Variants in ZNF398 observed in about 807,000 individuals in gnomAD.
ZNF398 encodes zinc finger protein 398.
A neutral mutation model predicts 41.9 loss-of-function variants in ZNF398; 18 were observed. That is an observed-to-expected ratio of 0.43 (90% CI 0.30 to 0.64). The LOEUF is 0.64. ZNF398 is among the 30% of genes least tolerant of loss of function. The pLI is 0.14. For synonymous variants in ZNF398, 260 were observed against 308.8 expected (o/e 0.84, Z 1.66); for missense variants, 669 against 822.8 (o/e 0.81, Z 2.29).
chr7:149,155,279 G>A (rs926903796), intron 2 of ZNF398, among the ~76,000 whole-genome samples: 4 of 152,100 alleles, frequency 2.6e-5, no homozygotes, highest in Non-Finnish European at 5.9e-5. Context: ...AATTAGCTGG[G>A]CTTGGTGGTG....
At chr7:149,144,407 C>A (rs1443254636), upstream of ZNF398, among the ~76,000 whole-genome samples, 1 of 151,794 alleles carries the variant, frequency 6.6e-6, no homozygotes, top group African/African-American at 2.4e-5. Context: ...ACCTCCCTGG[C>A]TCAAGTGATC....
intron 2 of ZNF398, among the ~76,000 whole-genome samples, chr7:149,155,433 A>G (rs968202579): frequency 2.6e-5 from 4 of 152,014 alleles, no homozygotes; most frequent in Non-Finnish European, 5.9e-5. Context: ...CAACGACAAA[A>G]AAGAAGAATC....
rs11400806 is a variant in ZNF398 at position 149,156,861 on chromosome 7, C to CAAAA, written c.420+2532_420+2535dup. ...GGGCAACAAGAGCGAAACTCCATTT[C>CAAAA]AAAAAAAAAAAAAAGAATAATTATA... On this transcript the variant is annotated intron_variant, in intron 2 of 5. Transcript: ENST00000475153. Among the ~76,000 whole-genome samples the CAAAA allele has an allele frequency of 1.8e-4, 25 of 141,224 alleles. 1 individual carries two copies. The highest frequency in any genetic ancestry group is 6.7e-4 in the South Asian group (3 of 4,468). The allele number at this position is 141,224 out of a possible 152,430, so 92.6% of individuals were successfully genotyped here. A position where few individuals can be genotyped will look rare whatever the true frequency, so the allele number is the denominator to read the frequency against.
intron 1 of ZNF398, among the ~76,000 whole-genome samples, chr7:149,153,157 A>C (rs949902551): frequency 3.9e-5 from 6 of 152,040 alleles, no homozygotes; most frequent in African/African-American, 1.4e-4. Context: ...CCGCACCGGC[A>C]AGAATTTCTT....
intron 2 of ZNF398, among the ~76,000 whole-genome samples, chr7:149,133,333 G>C (rs114513485): frequency 7.6e-4 from 115 of 151,866 alleles, no homozygotes; most frequent in African/African-American, 2.5e-3. Flanking sequence ...AGGCTGGTCT[G>C]GAACTCCAGG....
intron 2 of ZNF398, among the ~76,000 whole-genome samples, chr7:149,160,210 G>A (rs954113811): frequency 8.5e-5 from 13 of 152,084 alleles, no homozygotes; most frequent in South Asian, 4.1e-4. Flanking sequence ...AGGCCAAGGC[G>A]GGCGGATCAC....
chr7:149,163,641 AT>A (rs375846411), intron 2 of ZNF398, among the ~76,000 whole-genome samples: 12 of 152,062 alleles, frequency 7.9e-5, no homozygotes, highest in African/African-American at 2.9e-4. Flanking sequence ...AGCCCAGCTA[AT>A]TTTTGTGTTT....
intron 2 of ZNF398, among the ~76,000 whole-genome samples, chr7:149,133,751 AT>A (rs754992194): frequency 0.016 from 1,858 of 116,942 alleles, 41 homozygotes; most frequent in African/African-American, 0.054. Flanking sequence ...TGACCTTCAG[AT>A]TTTTTTTTTT....
At chr7:149,161,675 A>G (rs1795106969) in intron 2 of ZNF398, among the ~76,000 whole-genome samples, 1 of 152,230 alleles carries the variant, frequency 6.6e-6, no homozygotes, top group African/African-American at 2.4e-5. Context: ...AAAGTCGCAA[A>G]AAGTACTCAA....
Position 149,147,966 on chromosome 7 carries a change from C to T in ZNF398, c.24+200C>T, listed in dbSNP as rs1826999868. On this transcript the variant is annotated intron_variant, in intron 1 of 5. Coordinates refer to ENST00000475153, the MANE Select transcript of ZNF398 (RefSeq NM_170686.3). The surrounding 1 kb of genome is among the most constrained non-coding windows in gnomAD (Gnocchi z 5.6). ...GTGTGAAACCGCCCACCCGGGGACA[C>T]CAGGCTGGGCCGCAGGTCTGAGGGG... Among the ~76,000 whole-genome samples, 1 of 152,162 alleles carries T rather than the reference C, an allele frequency of 6.6e-6. No homozygotes were observed. The highest frequency in any genetic ancestry group is 2.4e-5 in the African/African-American group (1 of 41,456).
intron 2 of ZNF398, among the ~76,000 whole-genome samples, chr7:149,141,456 C>CTTTTTTTTT (rs60019784): frequency 7.8e-6 from 1 of 128,234 alleles, no homozygotes; most frequent in African/African-American, 2.9e-5. Context: ...TCTTTTTTTT[C>CTTTTTTTTT]TTTTTTTTTT....
At position 149,178,633 on chromosome 7, in the gene ZNF398, A is replaced by G. The variant is rs1457312778; in HGVS notation, c.776-15A>G. 6.2e-7 allele frequency: 1 copy of G among 1,606,974 alleles called. No homozygotes were observed. The highest frequency in any genetic ancestry group is 2.2e-5 in the East Asian group (1 of 44,826). On this transcript the variant is annotated splice_polypyrimidine_tract_variant and intron_variant, in intron 5 of 5. Transcript: ENST00000475153. ...CAGTTATTGATGGGTATAACTCTGG[A>G]GTCTTTTCTTTCAGATGAAGAGCTT...
At chr7:149,143,639 C>T (rs1826871423), upstream of ZNF398, among the ~76,000 whole-genome samples, 1 of 152,146 alleles carries the variant, frequency 6.6e-6, no homozygotes, top group African/African-American at 2.4e-5. Flanking sequence ...CATGGTGATA[C>T]CTCGTCTCTA....
At chr7:149,148,481 G>A in intron 1 of ZNF398, 1 of 985,542 alleles carries the variant, frequency 1.0e-6, no homozygotes, top group Non-Finnish European at 1.2e-6. Context: ...CCACCCAAGA[G>A]GTCTTTGGTC....
chr7:149,151,203 C>G, intron 1 of ZNF398: 4 of 1,192,570 alleles, frequency 3.4e-6, no homozygotes, highest in Non-Finnish European at 3.2e-6. Context: ...GTGATTTCCT[C>G]TAGGCACGCT....
At chr7:149,166,074 A>C in intron 2 of ZNF398, 84 bp from the exon 3 acceptor site, 5 of 1,451,830 alleles carry the variant, frequency 3.4e-6, no homozygotes, top group Non-Finnish European at 4.7e-6. Flanking sequence ...AATGTAAAAA[A>C]AATAAAAGGA....
chr7:149,176,221 T>C (rs1795458348), intron 4 of ZNF398, among the ~76,000 whole-genome samples: 1 of 151,952 alleles, frequency 6.6e-6, no homozygotes, highest in South Asian at 2.1e-4. Flanking sequence ...CAGGCGCCTG[T>C]AGTCCCAGCT....
In ZNF398 at chr7:149,132,911, C is replaced by T. The variant is rs148963256; in HGVS notation, c.-490+3967C>T. On this transcript the variant is annotated intron_variant, in intron 2 of 6. Coordinates refer to the ZNF398 transcript ENST00000426851. The stretch of plus-strand genomic sequence containing the variant: ...GTCTGCAGCTCATTTTTACAGGCTC[C>T]TTGTTAGAAAGTAAAATGATTTTGG... Among the ~76,000 whole-genome samples the T allele has an allele frequency of 6.1e-4, 93 of 152,234 alleles. No homozygotes were observed. In the East Asian group the frequency reaches 0.015, roughly 25 times the overall value.
intron 1 of ZNF398, chr7:149,151,130 G>A: frequency 1.2e-5 from 9 of 720,276 alleles, no homozygotes; most frequent in Non-Finnish European, 1.6e-5. Flanking sequence ...GAGGGCACAA[G>A]TCAGTGTTGA....
Sources: gnomAD v4.1 joint callset for allele counts (sites outside exome capture counted in the v4.1 genomes callset) on GRCh38, gnomAD v4.1.1 for gene constraint, Gnocchi (gnomAD v3.1) non-coding constraint, MANE v1.5 for transcripts, NCBI Gene and HGNC (gene_info 2026-07-23, HGNC 2026-07-21) for gene names.